Variants in EXOC6B observed in about 807,000 individuals in gnomAD.
The protein encoded by EXOC6B is SEC15 homolog B.
EXOC6B carries 54 observed loss-of-function variants against 113.5 expected under a neutral mutation model. The ratio of observed to expected loss-of-function variants is 0.48; its 90% CI spans 0.38 to 0.60. The LOEUF (loss-of-function observed/expected upper bound fraction) is 0.60. Among genes scored for constraint, EXOC6B ranks in the 20% least tolerant of loss-of-function variants. The pLI is 0.00. For synonymous variants in EXOC6B, 357 were observed against 339.0 expected, an observed-to-expected ratio of 1.05 and a Z score of -0.58; for missense variants, 797 against 977.5, an observed-to-expected ratio of 0.82 and a Z score of 2.46.
chr2:72,620,686 C>T (rs1322989415), intron 6 of EXOC6B, among the ~76,000 whole-genome samples: 1 of 151,790 alleles, frequency 6.6e-6, no homozygotes, highest in Non-Finnish European at 1.5e-5. Flanking sequence ...AGCTTCCATA[C>T]AGCAAAAGAA....
intron 1 of EXOC6B, among the ~76,000 whole-genome samples, chr2:72,761,545 T>C (rs369294344): frequency 1.1e-4 from 17 of 151,920 alleles, no homozygotes; most frequent in African/African-American, 3.6e-4. Flanking sequence ...TCAAAATAGA[T>C]CAAACTAAAA....
intron 5 of EXOC6B, among the ~76,000 whole-genome samples, chr2:72,728,170 C>A (rs903018962): frequency 2.6e-5 from 4 of 152,050 alleles, no homozygotes; most frequent in African/African-American, 7.2e-5. Flanking sequence ...ACAATAAGAT[C>A]AAAGACAATG....
chr2:72,513,216 G>C lies in EXOC6B; in HGVS notation c.1083C>G (p.Thr361=), dbSNP rs993101724. 2 of 1,612,990 alleles carry C rather than the reference G, an allele frequency of 1.2e-6. No homozygotes were observed. The highest frequency in any genetic ancestry group is 1.7e-6 in the Non-Finnish European group (2 of 1,179,346). ...TGTAGGCTCTATTTACTAAGCCCTG[G>C]GTTGTATGTAAAATGTGATCTTCAA... is the stretch of plus-strand genomic sequence containing the variant. The part of the protein sequence containing the change: ...FVVEDHILHT[T]QGLVNRAYID... The change falls in exon 11 of 22, where the codon ACC becomes ACG. Residue 361 remains threonine, a synonymous_variant. Transcript: ENST00000272427.
chr2:72,259,639 C>G (rs1297961448), intron 20 of EXOC6B, among the ~76,000 whole-genome samples: 2 of 152,168 alleles, frequency 1.3e-5, no homozygotes, highest in East Asian at 3.9e-4. Flanking sequence ...TTTTATATGC[C>G]TACCAACAAT....
intron 17 of EXOC6B, among the ~76,000 whole-genome samples, chr2:72,478,297 G>A (rs1314910575): frequency 6.6e-6 from 1 of 152,164 alleles, no homozygotes; most frequent in Non-Finnish European, 1.5e-5. Context: ...GCTTGATTAT[G>A]TCACACATGG....
At chr2:72,217,468 A>G (rs1437719596) in intron 20 of EXOC6B, among the ~76,000 whole-genome samples, 1 of 152,184 alleles carries the variant, frequency 6.6e-6, no homozygotes, top group Non-Finnish European at 1.5e-5. Flanking sequence ...TATTTAAAAA[A>G]AGGTACATTC....
chr2:72,293,743 G>A (rs1216591501), intron 20 of EXOC6B, among the ~76,000 whole-genome samples: 1 of 152,122 alleles, frequency 6.6e-6, no homozygotes, highest in African/African-American at 2.4e-5. Flanking sequence ...TTGGATATAA[G>A]AGCATTAATT....
chr2:72,698,215 G>T (rs1678028931), intron 6 of EXOC6B, among the ~76,000 whole-genome samples: 1 of 152,176 alleles, frequency 6.6e-6, no homozygotes. Flanking sequence ...ACAGGTGGAA[G>T]AAATAGCCTT....
chr2:72,336,502 A>G (rs1426249086), intron 19 of EXOC6B, among the ~76,000 whole-genome samples: 1 of 121,132 alleles, frequency 8.3e-6, no homozygotes, highest in African/African-American at 3.2e-5. Flanking sequence ...TTATTAAACT[A>G]ATTAAAATAT....
chr2:72,257,041 T>A (rs1217090545), intron 20 of EXOC6B, among the ~76,000 whole-genome samples: 1 of 152,126 alleles, frequency 6.6e-6, no homozygotes, highest in Non-Finnish European at 1.5e-5. Flanking sequence ...CTAGGCTGAC[T>A]CCCTCATGCC....
At position 72,465,200 on chromosome 2, in the gene EXOC6B, G is replaced by A. The variant is rs1478873469; in HGVS notation, c.1940C>T (p.Ala647Val). The change falls in exon 18 of 22, where the codon GCC becomes GTC. Residue 647 changes from alanine (A) to valine (V), a missense_variant. Ala to Val is a moderately conservative substitution (Grantham distance 64). Coordinates refer to ENST00000272427, the MANE Select transcript of EXOC6B (RefSeq NM_015189.3). ...KASDYLVDLI[A>V]FLRSTFAVFT... ...TACAGCAAAGGTGCTACGAAGAAAG[G>A]CAATGAGGTCTACCAGGTAATCACT... 6.2e-7 allele frequency: 1 copy of A among 1,612,118 alleles called. No homozygotes were observed. Among genetic ancestry groups the A allele is most frequent in the Non-Finnish European group, 8.5e-7 (1 of 1,179,216 alleles).
At chr2:72,752,337 T>C (rs1682100491) in intron 1 of EXOC6B, among the ~76,000 whole-genome samples, 1 of 152,170 alleles carries the variant, frequency 6.6e-6, no homozygotes, top group East Asian at 1.9e-4. Context: ...ACTAATCCTA[T>C]GTTCTAAAAA....
At chr2:72,693,050 G>A (rs1677613514) in intron 6 of EXOC6B, among the ~76,000 whole-genome samples, 1 of 152,114 alleles carries the variant, frequency 6.6e-6, no homozygotes, top group Admixed American at 6.6e-5. Context: ...TAATACCAGA[G>A]GAAACTGAAG....
chr2:72,633,117 C>T (rs1308939679), intron 6 of EXOC6B, among the ~76,000 whole-genome samples: 1 of 151,954 alleles, frequency 6.6e-6, no homozygotes, highest in Non-Finnish European at 1.5e-5. Flanking sequence ...CTCTTTTTAC[C>T]ACTCATTGCA....
At chr2:72,196,942 T>C (rs1679212043) in intron 20 of EXOC6B, among the ~76,000 whole-genome samples, 1 of 152,152 alleles carries the variant, frequency 6.6e-6, no homozygotes, top group Non-Finnish European at 1.5e-5. Flanking sequence ...TTGAGTACCA[T>C]ATGCATTCAG....
At chr2:72,741,052 C>A (rs560704582) in intron 2 of EXOC6B, among the ~76,000 whole-genome samples, 2 of 151,426 alleles carry the variant, frequency 1.3e-5, no homozygotes, top group East Asian at 3.9e-4. Flanking sequence ...TGCAGTGAAC[C>A]GAGATCGCAC....
chr2:72,773,748 C>T (rs945272360), intron 1 of EXOC6B, among the ~76,000 whole-genome samples: 1 of 152,080 alleles, frequency 6.6e-6, no homozygotes, highest in Non-Finnish European at 1.5e-5. Flanking sequence ...TCTTTAATGT[C>T]GTCTTAACAG....
intron 1 of EXOC6B, among the ~76,000 whole-genome samples, chr2:72,807,147 G>A (rs1451599181): frequency 6.6e-6 from 1 of 152,130 alleles, no homozygotes; most frequent in Non-Finnish European, 1.5e-5. Flanking sequence ...AGTTTTCATA[G>A]CTTTAGATTT....
At chr2:72,303,734 A>T (rs190303261) in intron 20 of EXOC6B, among the ~76,000 whole-genome samples, 3 of 152,296 alleles carry the variant, frequency 2.0e-5, no homozygotes, top group East Asian at 1.9e-4. Context: ...GAAGTAGTGT[A>T]ATCATTTGAA....
Sources: gnomAD v4.1 joint callset for allele counts (sites outside exome capture counted in the v4.1 genomes callset) on GRCh38, gnomAD v4.1.1 for gene constraint, MANE v1.5 for transcripts, NCBI Gene and HGNC (gene_info 2026-07-23, HGNC 2026-07-21) for gene names.